The following SPIDR variants were observed in gnomAD, a reference collection of about 807,000 sequenced individuals.
SPIDR encodes the protein scaffold protein involved in DNA repair.
SPIDR carries 93 observed loss-of-function variants against 104.6 expected under a neutral mutation model. The ratio of observed to expected loss-of-function variants is 0.89; its 90% CI spans 0.75 to 1.06. SPIDR has a LOEUF of 1.06. Ranked by LOEUF, SPIDR falls within the 50% of genes least tolerant of loss-of-function variation. SPIDR has a pLI of 0.00. For missense variants in SPIDR, 1,154 were observed against 1,111.2 expected, an observed-to-expected ratio of 1.04 and a Z score of -0.55; for synonymous variants, 431 against 416.9, an observed-to-expected ratio of 1.03 and a Z score of -0.41.
At chr8:47,322,745 A>G (rs1434609763) in intron 5 of SPIDR, among the ~76,000 whole-genome samples, 1 of 152,198 alleles carries the variant, frequency 6.6e-6, no homozygotes, top group Non-Finnish European at 1.5e-5. Context: ...ACACCATGGA[A>G]TACTATGCAG....
intron 10 of SPIDR, among the ~76,000 whole-genome samples, chr8:47,608,764 G>A (rs1245099505): frequency 2.0e-5 from 3 of 151,840 alleles, no homozygotes; most frequent in Admixed American, 6.6e-5. Flanking sequence ...TCGCTCTGTC[G>A]CCAGGGCGGA....
intron 17 of SPIDR, among the ~76,000 whole-genome samples, chr8:47,728,518 C>T (rs2084667066): frequency 6.6e-6 from 1 of 152,068 alleles, no homozygotes; most frequent in African/African-American, 2.4e-5. Context: ...GGTGGCCTTA[C>T]ACAAGCCATC....
intron 8 of SPIDR, among the ~76,000 whole-genome samples, chr8:47,545,855 T>C (rs1337308135): frequency 1.3e-5 from 2 of 152,206 alleles, no homozygotes; most frequent in Non-Finnish European, 2.9e-5. Context: ...TGTTTATTTT[T>C]GTCAAGTGGT....
At chr8:47,687,582 T>C (rs1431571934) in intron 11 of SPIDR, among the ~76,000 whole-genome samples, 1 of 152,198 alleles carries the variant, frequency 6.6e-6, no homozygotes, top group Non-Finnish European at 1.5e-5. Context: ...GAGGGCATAA[T>C]TGTAGATTGT....
At chr8:47,417,538 G>C (rs1322097546) in intron 7 of SPIDR, among the ~76,000 whole-genome samples, 1 of 152,048 alleles carries the variant, frequency 6.6e-6, no homozygotes, top group South Asian at 2.1e-4. Context: ...TTGTCAGATG[G>C]GTAGACTGCA....
At chr8:47,390,416 A>G (rs1470672172) in intron 5 of SPIDR, among the ~76,000 whole-genome samples, 2 of 152,120 alleles carry the variant, frequency 1.3e-5, no homozygotes, top group Non-Finnish European at 2.9e-5. Flanking sequence ...AGAATACTTT[A>G]TAGCAATGAA....
chr8:47,428,214 A>G (rs2066760635), intron 7 of SPIDR, among the ~76,000 whole-genome samples: 1 of 152,232 alleles, frequency 6.6e-6, no homozygotes, highest in Non-Finnish European at 1.5e-5. Flanking sequence ...ATGAACTACC[A>G]TGCCCAGCCT....
At chr8:47,627,773 C>T (rs2066426422) in intron 10 of SPIDR, among the ~76,000 whole-genome samples, 1 of 152,166 alleles carries the variant, frequency 6.6e-6, no homozygotes, top group South Asian at 2.1e-4. Flanking sequence ...ACCAGACCCG[C>T]CGGTTCATTC....
rs1321800141 is a variant in SPIDR at position 47,596,082 on chromosome 8, G to A, written c.1293+76G>A. ...TGGATTTGGAAGGGCTTCAGTGTAA[G>A]TGAAGATGTTAGCCTTTTGTCTCCC... On this transcript the variant is annotated intron_variant, in intron 9 of 19. Coordinates refer to ENST00000297423, the MANE Select transcript of SPIDR (RefSeq NM_001080394.4). 19 of 1,342,424 alleles carry A rather than the reference G, an allele frequency of 1.4e-5. No homozygotes were observed. The Admixed American group carries it at 2.6e-4, about 18-fold the overall frequency. 83.2% of individuals were successfully genotyped at this position (1,342,424 alleles called of 1,614,324 possible). A position where few individuals can be genotyped will look rare whatever the true frequency, so the allele number is the denominator to read the frequency against.
At chr8:47,581,678 G>A (rs879540519) in intron 8 of SPIDR, among the ~76,000 whole-genome samples, 2 of 152,104 alleles carry the variant, frequency 1.3e-5, no homozygotes, top group Non-Finnish European at 2.9e-5. Flanking sequence ...AAAGAAAAAT[G>A]TAGATTATAT....
chr8:47,735,111 G>GGTGTGTGTGTGTGTGT (rs202076247), intron 19 of SPIDR, among the ~76,000 whole-genome samples, 196 bp from the exon 20 acceptor site: 4 of 135,182 alleles, frequency 3.0e-5, no homozygotes, highest in Admixed American at 7.1e-5. Flanking sequence ...TGTGTGTGTG[G>GGTGTGTGTGTGTGTGT]GTGTGTGTGT....
intron 11 of SPIDR, among the ~76,000 whole-genome samples, chr8:47,699,938 T>C (rs1589306031): frequency 1.3e-5 from 2 of 152,308 alleles, no homozygotes; most frequent in East Asian, 3.9e-4. Context: ...AAAGTAAATA[T>C]CACCTCCAAA....
At chr8:47,394,026 C>T (rs140450944) in intron 5 of SPIDR, among the ~76,000 whole-genome samples, 38 of 152,218 alleles carry the variant, frequency 2.5e-4, no homozygotes, top group African/African-American at 8.7e-4. Context: ...CCTGCCTCAG[C>T]TTGCCCAATA....
intron 10 of SPIDR, among the ~76,000 whole-genome samples, chr8:47,650,495 T>C (rs2071416879): frequency 6.6e-6 from 1 of 152,156 alleles, no homozygotes; most frequent in South Asian, 2.1e-4. Context: ...ATCTCATGGA[T>C]TGGAAGAATG....
At chr8:47,646,295 C>G (rs925802648) in intron 10 of SPIDR, among the ~76,000 whole-genome samples, 1 of 152,184 alleles carries the variant, frequency 6.6e-6, no homozygotes, top group African/African-American at 2.4e-5. Flanking sequence ...AATAAACACT[C>G]TTCCTTTGGT....
At position 47,626,228 on chromosome 8, in the gene SPIDR, C is replaced by A. The variant is rs1460001699; in HGVS notation, c.1544+27032C>A. On this transcript the variant is annotated intron_variant, in intron 10 of 19. Transcript: ENST00000297423. ...GGATACCTTCCTTACACCTTATACA[C>A]AAATTAATTCAAGATGGATTAAAGA... 7.9e-5 allele frequency among the ~76,000 whole-genome samples: 12 copies of A among 152,146 alleles called. No homozygotes were observed. The South Asian group carries it at 1.0e-3, about 13-fold the overall frequency.
At chr8:47,289,095 A>C (rs1426420922) in intron 3 of SPIDR, among the ~76,000 whole-genome samples, 4 of 152,058 alleles carry the variant, frequency 2.6e-5, no homozygotes, top group Non-Finnish European at 4.4e-5. Flanking sequence ...CTGCAGCCTC[A>C]AACATTTGCT....
At chr8:47,438,071 C>G (rs1325768080) in intron 7 of SPIDR, among the ~76,000 whole-genome samples, 1 of 152,200 alleles carries the variant, frequency 6.6e-6, no homozygotes, top group Non-Finnish European at 1.5e-5. Context: ...CTGCCCAAGA[C>G]AAGAATTAGT....
At chr8:47,393,673 TTTTCC>T (rs143995416) in intron 5 of SPIDR, among the ~76,000 whole-genome samples, 18,174 of 102,154 alleles carry the variant, frequency 0.18, 1,824 homozygotes, top group South Asian at 0.3. Context: ...TCCCTTTCCT[TTTTCC>T]TTTCCTTTCC....
Sources: gnomAD v4.1 joint callset for allele counts (sites outside exome capture counted in the v4.1 genomes callset) on GRCh38, gnomAD v4.1.1 for gene constraint, MANE v1.5 for transcripts, NCBI Gene and HGNC (gene_info 2026-07-23, HGNC 2026-07-21) for gene names.